The following KCNK13 variants were observed in gnomAD, a reference collection of about 807,000 sequenced individuals.
The protein encoded by KCNK13 is potassium two pore domain channel subfamily K member 13, also known as potassium channel subfamily K member 13.
In KCNK13, 12 loss-of-function variants were observed where a neutral mutation model predicts 23.4. The observed-to-expected ratio is 0.51, with a 90% CI of 0.33 to 0.83. The LOEUF (loss-of-function observed/expected upper bound fraction) is 0.83. Ranked by LOEUF, KCNK13 falls within the 40% of genes least tolerant of loss-of-function variation. The pLI is 0.02. For missense variants in KCNK13, 463 were observed against 556.3 expected (o/e 0.83, Z 1.69); for synonymous variants, 231 against 229.5 (o/e 1.01, Z -0.06).
Position 90,185,516 on chromosome 14 carries a change from A to C in KCNK13, c.*513A>C, listed in dbSNP as rs1397223583. 6.5e-6 allele frequency: 1 copy of C among 153,212 alleles called. No homozygotes were observed. The highest frequency in any genetic ancestry group is 6.5e-5 in the Admixed American group (1 of 15,374). 9.5% of individuals were successfully genotyped at this position (153,212 alleles called of 1,614,324 possible). A position where few individuals can be genotyped will look rare whatever the true frequency, so the allele number is the denominator to read the frequency against. On this transcript the variant is annotated 3_prime_UTR_variant, in exon 2 of 2. Transcript: ENST00000282146. ...AAGCATACCTGCCAATGGTGTCTGC[A>C]TAGGGAAAATGTCTGTTGTACTCTT...
chr14:90,129,064 C>T (rs1364087570), intron 1 of KCNK13, among the ~76,000 whole-genome samples: 1 of 152,046 alleles, frequency 6.6e-6, no homozygotes, highest in Non-Finnish European at 1.5e-5. Flanking sequence ...CAATGTATTG[C>T]TTCACTTTTG....
chr14:90,097,122 A>G (rs1889420585), intron 1 of KCNK13, among the ~76,000 whole-genome samples: 1 of 152,254 alleles, frequency 6.6e-6, no homozygotes, highest in Non-Finnish European at 1.5e-5. Flanking sequence ...CCTCCTTCCT[A>G]TACACCCAGA....
At chr14:90,162,002 G>C (rs897730055) in intron 1 of KCNK13, among the ~76,000 whole-genome samples, 1 of 152,056 alleles carries the variant, frequency 6.6e-6, no homozygotes, top group Admixed American at 6.6e-5. Flanking sequence ...AATGTAACAA[G>C]ACCCCGTCTC....
intron 1 of KCNK13, among the ~76,000 whole-genome samples, chr14:90,135,276 G>A (rs1167498833): frequency 7.2e-5 from 11 of 152,184 alleles, no homozygotes; most frequent in Admixed American, 7.2e-4. Context: ...AAGGAAAGAG[G>A]GGAAGTGTGC....
At chr14:90,071,061 G>A (rs1203241605) in intron 1 of KCNK13, among the ~76,000 whole-genome samples, 1 of 152,110 alleles carries the variant, frequency 6.6e-6, no homozygotes, top group African/African-American at 2.4e-5. Context: ...ATTCATATAT[G>A]CTCATCTTAG....
At chr14:90,154,602 G>A (rs1890173761) in intron 1 of KCNK13, among the ~76,000 whole-genome samples, 3 of 152,228 alleles carry the variant, frequency 2.0e-5, no homozygotes, top group African/African-American at 7.2e-5. Flanking sequence ...TGGTTACAAT[G>A]ACAGGAGAGG....
At chr14:90,152,326 G>A (rs1379655338) in intron 1 of KCNK13, among the ~76,000 whole-genome samples, 1 of 152,098 alleles carries the variant, frequency 6.6e-6, no homozygotes, top group Non-Finnish European at 1.5e-5. Context: ...ACCTGAGGTC[G>A]GGAGTTCCAG....
At chr14:90,152,386 T>G (rs1337010010) in intron 1 of KCNK13, among the ~76,000 whole-genome samples, 5 of 152,028 alleles carry the variant, frequency 3.3e-5, no homozygotes. Flanking sequence ...AAATACAAAA[T>G]TAGTTGGGCG....
In KCNK13 at chr14:90,143,272, A is replaced by G. The variant is rs1379942554; in HGVS notation, c.335-40839A>G. 2.1e-5 allele frequency among the ~76,000 whole-genome samples: 3 copies of G among 144,254 alleles called. No individual in the cohort carries two copies. The East Asian group carries it at 6.2e-4, about 30-fold the overall frequency. 94.6% of individuals were successfully genotyped at this position (144,254 alleles called of 152,430 possible). ...TCCAGAGCTGAAATGCGGTAGCGTG[A>G]TCTCGGCTGGCTGCAACCTCTGCCT... On this transcript the variant is annotated intron_variant, in intron 1 of 1. Coordinates refer to ENST00000282146, the MANE Select transcript of KCNK13 (RefSeq NM_022054.4).
intron 1 of KCNK13, among the ~76,000 whole-genome samples, chr14:90,073,377 C>T (rs1295566834): frequency 6.6e-6 from 1 of 152,182 alleles, no homozygotes; most frequent in African/African-American, 2.4e-5. Flanking sequence ...CTGCCATCAC[C>T]ATGATGAGGG....
At chr14:90,152,729 G>A (rs1180068027) in intron 1 of KCNK13, among the ~76,000 whole-genome samples, 1 of 152,166 alleles carries the variant, frequency 6.6e-6, no homozygotes, top group Non-Finnish European at 1.5e-5. Flanking sequence ...ATCAGATAGT[G>A]TGATACCTCC....
intron 1 of KCNK13, among the ~76,000 whole-genome samples, chr14:90,108,844 G>C (rs1889577397): frequency 6.6e-6 from 1 of 152,214 alleles, no homozygotes; most frequent in Non-Finnish European, 1.5e-5. Flanking sequence ...CCTACCCTAA[G>C]AGTGTATCTC....
intron 1 of KCNK13, among the ~76,000 whole-genome samples, chr14:90,169,504 T>G (rs1387581052): frequency 1.3e-5 from 2 of 152,232 alleles, no homozygotes; most frequent in Non-Finnish European, 2.9e-5. Context: ...AGCACTTTCC[T>G]TGCATGCCTC....
At chr14:90,141,877 G>A (rs967268125) in intron 1 of KCNK13, among the ~76,000 whole-genome samples, 1 of 151,352 alleles carries the variant, frequency 6.6e-6, no homozygotes, top group African/African-American at 2.4e-5. Flanking sequence ...CCGCCTCCTG[G>A]GTTCACACCA....
intron 1 of KCNK13, among the ~76,000 whole-genome samples, chr14:90,097,115 C>A (rs1889420549): frequency 6.6e-6 from 1 of 152,154 alleles, no homozygotes; most frequent in South Asian, 2.1e-4. Flanking sequence ...CGTAAACCCT[C>A]CTTCCTATAC....
At chr14:90,181,613 TAA>T (rs1295839063) in intron 1 of KCNK13, among the ~76,000 whole-genome samples, 1 of 152,190 alleles carries the variant, frequency 6.6e-6, no homozygotes, top group African/African-American at 2.4e-5. Flanking sequence ...GCCTTGAACT[TAA>T]CAGGTGCTCA....
chr14:90,062,382 C>T lies in KCNK13; in HGVS notation c.177C>T (p.Asn59=). The T allele has an allele frequency of 6.4e-7, 1 of 1,551,932 alleles. No homozygotes were observed. The highest frequency in any genetic ancestry group is 8.7e-7 in the Non-Finnish European group (1 of 1,148,942). ...AKQRWEERLA[N]FSRGHNLSRD... is the part of the protein sequence containing the mutation. ...AGCGCTGGGAGGAGCGCCTGGCCAACTTCAGCCGCGGCCACAACCTGAGCC... is the reference window on the plus strand; with the variant it reads ...AGCGCTGGGAGGAGCGCCTGGCCAATTTCAGCCGCGGCCACAACCTGAGCC... The change falls in exon 1 of 2, where the codon AAC becomes AAT. Residue 59 remains asparagine, a synonymous_variant. Transcript: ENST00000282146. The surrounding 1 kb of genome is among the most constrained non-coding windows in gnomAD (Gnocchi z 4.5).
chr14:90,158,916 G>C (rs1034494495), intron 1 of KCNK13, among the ~76,000 whole-genome samples: 2 of 152,232 alleles, frequency 1.3e-5, no homozygotes, highest in East Asian at 1.9e-4. Context: ...TGGGTCCCCA[G>C]TTGGAAGAGG....
intron 1 of KCNK13, among the ~76,000 whole-genome samples, chr14:90,164,029 T>C (rs1890277384): frequency 6.6e-6 from 1 of 152,220 alleles, no homozygotes; most frequent in South Asian, 2.1e-4. Flanking sequence ...CCAAAGACTC[T>C]GGCATTTGGG....
Sources: gnomAD v4.1 joint callset for allele counts (sites outside exome capture counted in the v4.1 genomes callset) on GRCh38, gnomAD v4.1.1 for gene constraint, Gnocchi (gnomAD v3.1) non-coding constraint, MANE v1.5 for transcripts, NCBI Gene and HGNC (gene_info 2026-07-23, HGNC 2026-07-21) for gene names.